The following ARL15 variants were observed in gnomAD, a reference collection of about 807,000 sequenced individuals.
The protein encoded by ARL15 is ARF like GTPase 15.
In ARL15, 19 loss-of-function variants were observed where a neutral mutation model predicts 25.2. That is an observed-to-expected ratio of 0.75 (90% CI 0.53 to 1.10). The LOEUF is 1.10. Ranked by LOEUF, ARL15 falls within the 50% of genes least tolerant of loss-of-function variation. The probability of loss-of-function intolerance (pLI) is 0.00; values close to 1 mark genes in which losing one functional copy is unlikely to be tolerated. For missense variants in ARL15, 220 were observed against 246.0 expected (o/e 0.89, Z 0.71); for synonymous variants, 94 against 86.8 (o/e 1.08, Z -0.46).
intron 1 of ARL15, among the ~76,000 whole-genome samples, chr5:54,304,663 G>A (rs1758708363): frequency 6.6e-6 from 1 of 152,132 alleles, no homozygotes; most frequent in Admixed American, 6.5e-5. Context: ...TGGTAGATCT[G>A]TTTATTGTGC....
chr5:54,182,226 G>C (rs1405058195), intron 1 of ARL15, among the ~76,000 whole-genome samples: 2 of 80,540 alleles, frequency 2.5e-5, no homozygotes, highest in Middle Eastern at 8.7e-3. Context: ...CCTTGCCCAC[G>C]CCTATGTCCT....
At chr5:54,238,516 T>C (rs1189602639) in intron 1 of ARL15, among the ~76,000 whole-genome samples, 2 of 152,146 alleles carry the variant, frequency 1.3e-5, no homozygotes, top group African/African-American at 4.8e-5. Context: ...TCTTCCTGTA[T>C]CACTCCGCCA....
At chr5:54,306,082 G>A (rs1376348861) in intron 1 of ARL15, among the ~76,000 whole-genome samples, 1 of 152,134 alleles carries the variant, frequency 6.6e-6, no homozygotes, top group East Asian at 1.9e-4. Context: ...AGAGCCACAC[G>A]ACTGCCAGTC....
intron 1 of ARL15, among the ~76,000 whole-genome samples, chr5:54,182,825 T>C (rs1352032453): frequency 3.3e-5 from 5 of 151,968 alleles, no homozygotes; most frequent in Admixed American, 6.6e-5. Flanking sequence ...TTTATTTCCT[T>C]GAGCAGTGGT....
intron 3 of ARL15, among the ~76,000 whole-genome samples, chr5:54,153,779 C>T (rs548899850): frequency 6.6e-6 from 1 of 152,032 alleles, no homozygotes; most frequent in Non-Finnish European, 1.5e-5. Flanking sequence ...ACAATCTCAT[C>T]GAGCTAAAAA....
intron 4 of ARL15, among the ~76,000 whole-genome samples, chr5:53,954,660 T>C (rs1411150562): frequency 1.3e-5 from 2 of 152,166 alleles, no homozygotes; most frequent in Non-Finnish European, 2.9e-5. Context: ...CACACAGTGT[T>C]AGGCCTCTAG....
chr5:54,200,757 T>C (rs6871446), intron 1 of ARL15, among the ~76,000 whole-genome samples: 43,857 of 152,038 alleles, frequency 0.29, 6,759 homozygotes, highest in African/African-American at 0.37. Flanking sequence ...CATTTCACCC[T>C]GGCAATAAGC....
intron 4 of ARL15, among the ~76,000 whole-genome samples, chr5:54,004,246 G>A (rs1334383389): frequency 1.3e-5 from 2 of 152,168 alleles, no homozygotes; most frequent in Non-Finnish European, 2.9e-5. Context: ...TGTAATCTCA[G>A]CACTTTGGGA....
chr5:54,110,881 G>A (rs1438050168), intron 4 of ARL15, among the ~76,000 whole-genome samples: 1 of 151,938 alleles, frequency 6.6e-6, no homozygotes, highest in Non-Finnish European at 1.5e-5. Context: ...ATAAGGTACT[G>A]ATTTAATTCT....
intron 4 of ARL15, among the ~76,000 whole-genome samples, chr5:54,017,230 T>C (rs1749453431): frequency 6.6e-6 from 1 of 152,166 alleles, no homozygotes; most frequent in Non-Finnish European, 1.5e-5. Flanking sequence ...CATATTTCCC[T>C]AAAATGGTGT....
At chr5:54,079,372 CAAGT>C (rs755100021) in intron 4 of ARL15, among the ~76,000 whole-genome samples, 4 of 152,102 alleles carry the variant, frequency 2.6e-5, no homozygotes, top group Non-Finnish European at 4.4e-5. Flanking sequence ...TTAACAGAAA[CAAGT>C]AACAAGCAAA....
At chr5:54,070,966 C>T (rs1191055138) in intron 4 of ARL15, among the ~76,000 whole-genome samples, 2 of 151,770 alleles carry the variant, frequency 1.3e-5, no homozygotes, top group African/African-American at 4.8e-5. Context: ...CTCAGGAATT[C>T]GAGACCAGCC....
chr5:54,208,925 C>G (rs543160652), intron 1 of ARL15, among the ~76,000 whole-genome samples: 1 of 151,950 alleles, frequency 6.6e-6, no homozygotes. Flanking sequence ...TATAGCACAC[C>G]TATTTGAAAT....
intron 4 of ARL15, among the ~76,000 whole-genome samples, chr5:53,965,750 G>A (rs1747537066): frequency 6.6e-6 from 1 of 151,650 alleles, no homozygotes; most frequent in African/African-American, 2.4e-5. Flanking sequence ...CAAAGTTCCT[G>A]CTTCTGATCT....
intron 4 of ARL15, among the ~76,000 whole-genome samples, chr5:53,960,870 C>T (rs1747342022): frequency 6.6e-6 from 1 of 152,198 alleles, no homozygotes; most frequent in Non-Finnish European, 1.5e-5. Flanking sequence ...ATTTCTGGAA[C>T]ACTGTGGGTG....
At chr5:53,944,926 T>C (rs1285590370) in intron 4 of ARL15, among the ~76,000 whole-genome samples, 1 of 152,142 alleles carries the variant, frequency 6.6e-6, no homozygotes, top group Non-Finnish European at 1.5e-5. Context: ...GACAGGCCAA[T>C]ATAGGTTCAA....
intron 4 of ARL15, among the ~76,000 whole-genome samples, chr5:54,035,390 A>T (rs1013925204): frequency 1.3e-5 from 2 of 152,130 alleles, no homozygotes; most frequent in African/African-American, 4.8e-5. Flanking sequence ...AAGTAACTTT[A>T]AAAAAAACTT....
chr5:54,228,902 A>G (rs1049554144), intron 1 of ARL15, among the ~76,000 whole-genome samples: 5 of 152,218 alleles, frequency 3.3e-5, no homozygotes, highest in Non-Finnish European at 7.3e-5. Context: ...AAAGCACCAA[A>G]CATAGCATCC....
At chr5:54,092,085 C>A (rs568078657) in intron 4 of ARL15, among the ~76,000 whole-genome samples, 1 of 152,108 alleles carries the variant, frequency 6.6e-6, no homozygotes, top group Admixed American at 6.5e-5. Flanking sequence ...ACCACCACCA[C>A]CACCATCACC....
Sources: allele counts gnomAD v4.1 joint callset (sites outside exome capture counted in the v4.1 genomes callset), GRCh38; gene constraint gnomAD v4.1.1; transcripts MANE v1.5; gene names NCBI Gene and HGNC (gene_info 2026-07-23, HGNC 2026-07-21).